Variants in UGT1A4 observed in about 807,000 individuals in gnomAD.
UGT1A4 encodes the protein UDP-glucuronosyltransferase 1A4.
UGT1A4 carries 32 observed loss-of-function variants against 41.1 expected under a neutral mutation model. That is an observed-to-expected ratio of 0.78 (90% CI 0.59 to 1.05). UGT1A4 has a LOEUF of 1.05. Ranked by LOEUF, UGT1A4 falls within the 50% of genes least tolerant of loss-of-function variation. UGT1A4 has a pLI of 0.00. For missense variants in UGT1A4, 748 were observed against 677.4 expected (o/e 1.10, Z -1.16); for synonymous variants, 283 against 265.1 (o/e 1.07, Z -0.66).
intron 1 of UGT1A4, chr2:233,761,214 TTAAC>T (rs747537928): frequency 1.9e-6 from 3 of 1,613,728 alleles, no homozygotes; most frequent in Non-Finnish European, 2.5e-6. Context: ...TTTGGATCGA[TTAAC>T]TAGCCCCAGA....
chr2:233,743,427 G>A, intron 1 of UGT1A4: 2 of 1,349,658 alleles, frequency 1.5e-6, no homozygotes, highest in South Asian at 2.3e-5. Context: ...GGGAGCCAAA[G>A]GAACGAAATC....
At position 233,718,773 on chromosome 2, in the gene UGT1A4, C is replaced by T. The variant is rs374057137; in HGVS notation, c.-48C>T. 7.4e-6 allele frequency: 12 copies of T among 1,612,730 alleles called. No individual in the cohort carries two copies. The highest frequency in any genetic ancestry group is 8.5e-6 in the Non-Finnish European group (10 of 1,180,000). On this transcript the variant is annotated 5_prime_UTR_variant, in exon 1 of 5. Transcript: ENST00000373409. ...ATTAAGGCGAAGGAAACAAATGTAG[C>T]AGGCACAGCGTGGGGTGGACAGTCA...
intron 1 of UGT1A4, among the ~76,000 whole-genome samples, chr2:233,763,856 G>A (rs1698413440): frequency 6.6e-6 from 1 of 152,158 alleles, no homozygotes; most frequent in Non-Finnish European, 1.5e-5. Context: ...GTGGTTCACA[G>A]ACAATCGCAA....
intron 1 of UGT1A4, chr2:233,742,605 G>A (rs1344042789): frequency 6.6e-6 from 1 of 151,892 alleles, no homozygotes; most frequent in Non-Finnish European, 1.5e-5. Context: ...TACCATAGTT[G>A]GAGAACCACG....
chr2:233,728,931 T>C (rs569892277), intron 1 of UGT1A4, among the ~76,000 whole-genome samples: 4,920 of 152,288 alleles, frequency 0.032, 257 homozygotes, highest in African/African-American at 0.11. Flanking sequence ...TCATGATCGG[T>C]CTTTTCCAGG....
chr2:233,728,753 T>G (rs1294725460), intron 1 of UGT1A4, among the ~76,000 whole-genome samples: 2 of 152,174 alleles, frequency 1.3e-5, no homozygotes, highest in Non-Finnish European at 2.9e-5. Context: ...CAATGGTGAC[T>G]CCTCAGACCT....
At chr2:233,755,161 C>T (rs1553619056) in intron 1 of UGT1A4, 1 of 1,292,236 alleles carries the variant, frequency 7.7e-7, no homozygotes, top group Non-Finnish European at 1.0e-6. Flanking sequence ...TCCCTGTCCT[C>T]GGGGTTTTTG....
rs1005644336 is a variant in UGT1A4 at position 233,772,950 on chromosome 2, A to G, written c.*391A>G. On this transcript the variant is annotated 3_prime_UTR_variant, in exon 5 of 5. Coordinates refer to ENST00000373409, the MANE Select transcript of UGT1A4 (RefSeq NM_007120.3). Reference sequence around the variant, plus strand: ...TAATCTTATCTTTTGGCTTCTGCAGATGGTTGCAATTGATCCTTAACCAAT... The same window carrying G: ...TAATCTTATCTTTTGGCTTCTGCAGGTGGTTGCAATTGATCCTTAACCAAT... The G allele has an allele frequency of 1.5e-5, 5 of 323,142 alleles. No individual in the cohort carries two copies. Among genetic ancestry groups the G allele is most frequent in the Non-Finnish European group, 2.9e-5 (5 of 171,790 alleles). 20.0% of individuals were successfully genotyped at this position (323,142 alleles called of 1,614,324 possible). A position where few individuals can be genotyped will look rare whatever the true frequency, so the allele number is the denominator to read the frequency against.
intron 1 of UGT1A4, among the ~76,000 whole-genome samples, chr2:233,754,056 T>C (rs963446161): frequency 1.3e-5 from 2 of 152,238 alleles, no homozygotes; most frequent in Non-Finnish European, 2.9e-5. Context: ...TTTACCTGCT[T>C]TTATAAAGCC....
chr2:233,723,429 C>T (rs1350384184), intron 1 of UGT1A4, among the ~76,000 whole-genome samples: 7 of 134,596 alleles, frequency 5.2e-5, no homozygotes, highest in African/African-American at 1.5e-4. Context: ...AGGCTGGTCT[C>T]GAACTCCTGA....
intron 3 of UGT1A4, 91 bp from the exon 4 acceptor site, chr2:233,768,129 T>C: frequency 1.2e-6 from 2 of 1,606,026 alleles, no homozygotes; most frequent in East Asian, 4.5e-5. Context: ...TGAGTAACAC[T>C]GAGTCTTTGG....
chr2:233,766,445 C>A (rs1699154824), intron 1 of UGT1A4, among the ~76,000 whole-genome samples: 1 of 152,174 alleles, frequency 6.6e-6, no homozygotes, highest in African/African-American at 2.4e-5. Flanking sequence ...TGTGTGTCTG[C>A]CTGCTAGGGT....
chr2:233,730,291 G>T (rs962328046), intron 1 of UGT1A4, among the ~76,000 whole-genome samples: 2 of 152,200 alleles, frequency 1.3e-5, no homozygotes, highest in African/African-American at 4.8e-5. Context: ...CTTCATGGTT[G>T]TGCATGTCCT....
At chr2:233,767,761 G>A in intron 2 of UGT1A4, 88 bp from the exon 3 acceptor site, 6 of 1,606,158 alleles carry the variant, frequency 3.7e-6, no homozygotes, top group Non-Finnish European at 5.1e-6. Context: ...TCCTTCAGAG[G>A]ACCCCTGTTT....
At chr2:233,744,611 C>T (rs1407412531) in intron 1 of UGT1A4, among the ~76,000 whole-genome samples, 1 of 151,864 alleles carries the variant, frequency 6.6e-6, no homozygotes, top group Non-Finnish European at 1.5e-5. Context: ...TAGTACTTGG[C>T]TCTATAGAGA....
intron 1 of UGT1A4, among the ~76,000 whole-genome samples, chr2:233,733,630 C>T (rs2078422347): frequency 6.6e-6 from 1 of 152,174 alleles, no homozygotes; most frequent in Non-Finnish European, 1.5e-5. Context: ...ATATGTTGAA[C>T]CAGCCTTGCA....
At chr2:233,754,291 C>A in intron 1 of UGT1A4, 1 of 232,626 alleles carries the variant, frequency 4.3e-6, no homozygotes. Flanking sequence ...ACATTCTGTC[C>A]TAGCACTAGG....
At chr2:233,755,091 T>C (rs747522597) in intron 1 of UGT1A4, 2 of 1,335,830 alleles carry the variant, frequency 1.5e-6, no homozygotes, top group East Asian at 4.6e-5. Flanking sequence ...ATCGCGTTTC[T>C]ACGCGTCCGA....
chr2:233,748,089 C>T (rs17863798), intron 1 of UGT1A4: 111,177 of 1,612,822 alleles, frequency 0.069, 5,243 homozygotes, highest in South Asian at 0.18. Context: ...GGTCGGTGTT[C>T]GTGCCTTCAT....
Sources: gnomAD v4.1 joint callset for allele counts (sites outside exome capture counted in the v4.1 genomes callset) on GRCh38, gnomAD v4.1.1 for gene constraint, MANE v1.5 for transcripts, NCBI Gene and HGNC (gene_info 2026-07-23, HGNC 2026-07-21) for gene names.